CYP2B6: variants seen among roughly 807,000 people sequenced by gnomAD.
The protein encoded by CYP2B6 is cytochrome P450 family 2 subfamily B member 6.
In CYP2B6, 35 loss-of-function variants were observed where a neutral mutation model predicts 43.4. The ratio of observed to expected loss-of-function variants is 0.81; its 90% CI spans 0.62 to 1.07. The LOEUF is 1.07. Ranked by LOEUF, CYP2B6 falls within the 50% of genes least tolerant of loss-of-function variation. CYP2B6 has a pLI of 0.00. For missense variants in CYP2B6, 624 were observed against 632.8 expected, an observed-to-expected ratio of 0.99 and a Z score of 0.15; for synonymous variants, 239 against 239.2, an observed-to-expected ratio of 1.00 and a Z score of 0.01.
At chr19:41,002,494 A>G (rs192279168) in intron 1 of CYP2B6, among the ~76,000 whole-genome samples, 108 of 151,978 alleles carry the variant, frequency 7.1e-4, no homozygotes, top group African/African-American at 2.5e-3. Flanking sequence ...TTCACTATCC[A>G]CCTACCATCT....
chr19:41,013,295 T>C (rs1172238955), intron 8 of CYP2B6, among the ~76,000 whole-genome samples: 1 of 152,194 alleles, frequency 6.6e-6, no homozygotes, highest in Non-Finnish European at 1.5e-5. Flanking sequence ...AAGGACATGC[T>C]CACAAGGGCA....
At position 41,004,451 on chromosome 19, in the gene CYP2B6, G is replaced by A; in HGVS notation, c.484+5G>A. The A allele has an allele frequency of 6.2e-7, 1 of 1,613,566 alleles. No individual in the cohort carries two copies. Among genetic ancestry groups the A allele is most frequent in the Non-Finnish European group, 8.5e-7 (1 of 1,179,842 alleles). On this transcript the variant is annotated splice_donor_5th_base_variant and intron_variant, in intron 3 of 8. Coordinates refer to ENST00000324071, the MANE Select transcript of CYP2B6 (RefSeq NM_000767.5). Reference sequence around the variant, plus strand: ...AGGAGCTTCGGAAATCCAAGGGTGAGTCCTGGGGGATGAATAGGAAAGAAA... The same window carrying A: ...AGGAGCTTCGGAAATCCAAGGGTGAATCCTGGGGGATGAATAGGAAAGAAA...
chr19:41,010,094 G>T lies in CYP2B6; in HGVS notation c.923G>T (p.Arg308Leu). ...ACTGAGACCACCAGCACCACTCTCC[G>T]CTACGGCTTCCTGCTCATGCTCAAA... is the stretch of plus-strand genomic sequence containing the variant. Reference protein sequence around the residue: ...AGTETTSTTLRYGFLLMLKYP... With the variant: ...AGTETTSTTLLYGFLLMLKYP... Residue 308 changes from arginine (R) to leucine (L), a missense_variant, in exon 6 of 9, where the codon CGC becomes CTC. Transcript: ENST00000324071. 13 of 1,613,936 alleles carry T rather than the reference G, an allele frequency of 8.1e-6. No homozygotes were observed. Among genetic ancestry groups the T allele is most frequent in the Non-Finnish European group, 1.1e-5 (13 of 1,180,010 alleles).
At position 40,993,357 on chromosome 19, in the gene CYP2B6, G is replaced by T. The variant is rs571264358; in HGVS notation, c.171+1881G>T. ...CTCACAGTTCCACATGGCTGGGGAGGCCCCAGGAAAATACAATTCATGGCA... is the reference window on the plus strand; with the variant it reads ...CTCACAGTTCCACATGGCTGGGGAGTCCCCAGGAAAATACAATTCATGGCA... On this transcript the variant is annotated intron_variant, in intron 1 of 8. Coordinates refer to ENST00000324071, the MANE Select transcript of CYP2B6 (RefSeq NM_000767.5). 9.2e-5 allele frequency among the ~76,000 whole-genome samples: 14 copies of T among 152,198 alleles called. No individual in the cohort carries two copies. In the East Asian group the frequency reaches 1.9e-3, roughly 21 times the overall value.
rs182855196 is a variant in CYP2B6 at position 41,012,894 on chromosome 19, A to C, written c.1294+79A>C. ...CAACTTGAGAAAAACAACGAGAGATACTGATTATTTGAGCACTTAATATAT... is the reference window on the plus strand; with the variant it reads ...CAACTTGAGAAAAACAACGAGAGATCCTGATTATTTGAGCACTTAATATAT... On this transcript the variant is annotated intron_variant, in intron 8 of 8. Coordinates refer to ENST00000324071, the MANE Select transcript of CYP2B6 (RefSeq NM_000767.5). 7.3e-5 allele frequency: 110 copies of C among 1,500,864 alleles called. No homozygotes were observed. In the African/African-American group the frequency reaches 1.4e-3, roughly 19 times the overall value. 93.0% of individuals were successfully genotyped at this position (1,500,864 alleles called of 1,614,324 possible).
rs1969140622 is a variant in CYP2B6 at position 41,004,242 on chromosome 19, CAG to C, written c.335-52_335-51del. ...GGAGTATATGGGAGGAAGAAGGACT[CAG>C]AGCCTTCTTCCAACTTCTTCTACAA... On this transcript the variant is annotated intron_variant, in intron 2 of 8. Transcript: ENST00000324071. The C allele has an allele frequency of 1.4e-5, 23 of 1,612,732 alleles. No homozygotes were observed. The East Asian group carries it at 4.9e-4, about 34-fold the overall frequency.
chr19:41,009,791 C>A (rs1031754992), intron 5 of CYP2B6: 20 of 629,262 alleles, frequency 3.2e-5, no homozygotes, highest in Middle Eastern at 6.1e-4. Flanking sequence ...GAGATAGAAA[C>A]AGAGTTAGGA....
At chr19:40,997,689 G>A (rs1209250464) in intron 1 of CYP2B6, among the ~76,000 whole-genome samples, 1 of 152,070 alleles carries the variant, frequency 6.6e-6, no homozygotes, top group Non-Finnish European at 1.5e-5. Context: ...AAGATACAAG[G>A]TAATTGGTCA....
intron 2 of CYP2B6, 59 bp downstream of exon 2, chr19:41,004,222 A>T (rs2279342): frequency 0.1 from 163,244 of 1,609,982 alleles, 9,825 homozygotes; most frequent in Admixed American, 0.22. Flanking sequence ...GGAAGGGAGT[A>T]TATGGGAGGA....
intron 1 of CYP2B6, among the ~76,000 whole-genome samples, chr19:40,991,794 T>C (rs1320691713): frequency 1.9e-4 from 29 of 152,138 alleles, no homozygotes; most frequent in Admixed American, 4.6e-4. Context: ...AACAGCCTGA[T>C]TGGCCACAGA....
At chr19:41,013,081 A>T in intron 8 of CYP2B6, 1 of 472,976 alleles carries the variant, frequency 2.1e-6, no homozygotes, top group Admixed American at 3.3e-5. Flanking sequence ...TCTTAAAAAG[A>T]AAAAATCTGT....
chr19:40,999,052 G>T (rs1299854816), intron 1 of CYP2B6, among the ~76,000 whole-genome samples: 2 of 144,136 alleles, frequency 1.4e-5, no homozygotes, highest in African/African-American at 5.2e-5. Flanking sequence ...CAGTGTAAAA[G>T]TGTTCCTATT....
At chr19:41,005,492 A>AG (rs201681900) in intron 3 of CYP2B6, among the ~76,000 whole-genome samples, 9,021 of 151,660 alleles carry the variant, frequency 0.059, 934 homozygotes, top group African/African-American at 0.21. Flanking sequence ...CCAAAACAAA[A>AG]AAATATAGGT....
chr19:41,015,158 CAGAA>C (rs1969342433), intron 8 of CYP2B6, among the ~76,000 whole-genome samples: 1 of 151,976 alleles, frequency 6.6e-6, no homozygotes, highest in Non-Finnish European at 1.5e-5. Flanking sequence ...CTGCCAGGGG[CAGAA>C]AGAAAGGTAT....
chr19:41,014,599 C>G (rs1969332988), intron 8 of CYP2B6, among the ~76,000 whole-genome samples: 2 of 152,188 alleles, frequency 1.3e-5, no homozygotes, highest in African/African-American at 2.4e-5. Context: ...GCCACTGCGA[C>G]TGGCCTGCTA....
In CYP2B6 at chr19:41,016,726, A is replaced by G. The variant is rs3211369; in HGVS notation, c.1375A>G (p.Met459Val). Residue 459 changes from methionine to valine, a missense_variant, in exon 9 of 9, where the codon ATG (methionine) becomes GTG (valine). Transcript: ENST00000324071. The part of the protein sequence containing the change: ...FFTTILQNFS[M>V]ASPVAPEDID... ...CACCACCATCCTCCAGAACTTCTCC[A>G]TGGCCAGCCCCGTGGCCCCAGAAGA... The G allele has an allele frequency of 1.2e-4, 187 of 1,614,186 alleles. No homozygotes were observed. The East Asian group carries it at 1.5e-3, about 13-fold the overall frequency.
Position 41,012,873 on chromosome 19 carries a change from T to G in CYP2B6, c.1294+58T>G, listed in dbSNP as rs2144677411. 4 of 1,590,230 alleles carry G rather than the reference T, an allele frequency of 2.5e-6. No individual in the cohort carries two copies. In the Middle Eastern group the frequency reaches 6.6e-4, roughly 264 times the overall value. ...CCAGAGGGCAGGTACTATCCCCAAC[T>G]TGAGAAAAACAACGAGAGATACTGA... is the stretch of plus-strand genomic sequence containing the variant. On this transcript the variant is annotated intron_variant, in intron 8 of 8. Coordinates refer to ENST00000324071, the MANE Select transcript of CYP2B6 (RefSeq NM_000767.5).
intron 8 of CYP2B6, among the ~76,000 whole-genome samples, chr19:41,016,275 T>C (rs529840118): frequency 6.6e-6 from 1 of 151,942 alleles, no homozygotes; most frequent in Admixed American, 6.6e-5. Context: ...CAGGTGCCTG[T>C]AATCCCAGCT....
intron 1 of CYP2B6, among the ~76,000 whole-genome samples, chr19:40,995,520 G>C (rs1225590053): frequency 2.0e-5 from 3 of 152,142 alleles, no homozygotes; most frequent in African/African-American, 7.2e-5. Flanking sequence ...GATCATGAAA[G>C]GTCTGGTTGT....
Sources: allele counts gnomAD v4.1 joint callset (sites outside exome capture counted in the v4.1 genomes callset), GRCh38; gene constraint gnomAD v4.1.1; transcripts MANE v1.5; gene names NCBI Gene and HGNC (gene_info 2026-07-23, HGNC 2026-07-21).